Variants in COL12A1 observed in about 807,000 individuals in gnomAD.
COL12A1 encodes the protein collagen type XII alpha 1 chain, also known as collagen alpha-1(XII) chain.
In COL12A1, 114 loss-of-function variants were observed where a neutral mutation model predicts 349.7. The ratio of observed to expected loss-of-function variants is 0.33; its 90% CI spans 0.28 to 0.38. The LOEUF (loss-of-function observed/expected upper bound fraction) is 0.38, where lower values mean the gene tolerates loss of function less well. Ranked by LOEUF, COL12A1 falls within the 10% of genes least tolerant of loss-of-function variation. COL12A1 has a pLI of 1.00. For synonymous variants in COL12A1, 1,369 were observed against 1,329.0 expected (o/e 1.03, Z -0.66); for missense variants, 3,284 against 3,756.9 (o/e 0.87, Z 3.29).
rs1414978778 is a variant in COL12A1, at chr6:75,085,221, C to T, written c.*1326G>A. ...CCCGGGTCCGTGGGGCAGGGCGCGCCGCCAGCGCCGGTGGGGCTCAGGAGG... is the reference window on the plus strand; with the variant it reads ...CCCGGGTCCGTGGGGCAGGGCGCGCTGCCAGCGCCGGTGGGGCTCAGGAGG... On this transcript the variant is annotated 3_prime_UTR_variant, in exon 66 of 66. Transcript: ENST00000322507. 6.4e-6 allele frequency: 3 copies of T among 468,928 alleles called. No homozygotes were observed. Among genetic ancestry groups the T allele is most frequent in the African/African-American group, 4.0e-5 (2 of 50,054 alleles). 29.0% of individuals were successfully genotyped at this position (468,928 alleles called of 1,614,324 possible).
rs751691332 is a variant in COL12A1, at chr6:75,130,099, C to G, written c.6202G>C (p.Asp2068His). ...IYSPTVGDPI[D>H]EYTTVPGRRN... is the part of the protein sequence containing the mutation. ...ATGAGTATCAGACTTACATATTCATCAATTGGATCACCAACAGTGGGAGAA... is the reference window on the plus strand; with the variant it reads ...ATGAGTATCAGACTTACATATTCATGAATTGGATCACCAACAGTGGGAGAA... The change falls in exon 37 of 66, where the codon GAT becomes CAT. Residue 2068 changes from aspartate to histidine, a missense_variant. Around this residue, in one of 2 missense-constraint regions of COL12A1, gnomAD observed 2,601 missense variants for 2,824.8 expected, o/e 0.92. Transcript: ENST00000322507. The G allele has an allele frequency of 1.2e-6, 2 of 1,613,070 alleles. No individual in the cohort carries two copies. The highest frequency in any genetic ancestry group is 1.7e-5 in the Admixed American group (1 of 59,704).
At chr6:75,105,596 C>A (rs973090153) in intron 53 of COL12A1, among the ~76,000 whole-genome samples, 2 of 151,980 alleles carry the variant, frequency 1.3e-5, no homozygotes, top group African/African-American at 2.4e-5. Flanking sequence ...TATCAATTCC[C>A]ATCTGGAAAA....
intron 60 of COL12A1, among the ~76,000 whole-genome samples, chr6:75,093,704 A>G (rs906169910): frequency 2.6e-5 from 4 of 152,116 alleles, no homozygotes; most frequent in African/African-American, 4.8e-5. Flanking sequence ...GATTTTTTAC[A>G]TTTACTGCTA....
chr6:75,133,539 G>T, intron 33 of COL12A1, 117 bp from the exon 34 acceptor site: 8 of 1,052,938 alleles, frequency 7.6e-6, no homozygotes, highest in Non-Finnish European at 9.4e-6. Flanking sequence ...TGTAATATTA[G>T]GATGTCATAA....
intron 31 of COL12A1, among the ~76,000 whole-genome samples, chr6:75,135,209 G>A (rs1218493066): frequency 5.9e-5 from 9 of 152,170 alleles, no homozygotes; most frequent in African/African-American, 1.2e-4. Context: ...TTTAAGATAT[G>A]AAACAATTGC....
chr6:75,198,863 A>AAC (rs1770373718), intron 2 of COL12A1, among the ~76,000 whole-genome samples: 2 of 152,238 alleles, frequency 1.3e-5, no homozygotes, highest in East Asian at 3.8e-4. Context: ...TTAGTTTGAT[A>AAC]TCTGTGATAA....
chr6:75,131,288 G>A (rs962484342), intron 35 of COL12A1, among the ~76,000 whole-genome samples: 4 of 152,144 alleles, frequency 2.6e-5, no homozygotes, highest in African/African-American at 9.7e-5. Context: ...AAAACATCCT[G>A]CATGTTAAAT....
intron 59 of COL12A1, among the ~76,000 whole-genome samples, chr6:75,095,542 A>G (rs563407965): frequency 0.015 from 2,142 of 147,116 alleles, 24 homozygotes; most frequent in Non-Finnish European, 0.023. Context: ...GCGTGAACCC[A>G]GGAAGCGGAG....
chr6:75,194,541 CTATAAGATCAAAGGT>C (rs914627587), intron 3 of COL12A1, among the ~76,000 whole-genome samples: 59 of 152,196 alleles, frequency 3.9e-4, no homozygotes, highest in African/African-American at 1.3e-3. Context: ...GGATTTGATT[CTATAAGATCAAAGGT>C]TACTAACAAT....
At chr6:75,133,253 A>G in intron 34 of COL12A1, 40 bp downstream of exon 34, 1 of 1,527,964 alleles carries the variant, frequency 6.5e-7, no homozygotes, top group Non-Finnish European at 8.8e-7. Context: ...GAAAAGCAAC[A>G]CTTATGATGA....
In COL12A1 at chr6:75,109,142, C is replaced by A; in HGVS notation, c.7976G>T (p.Ser2659Ile). ...ATAGCAGTCAATGTAAATCTTAACA[C>A]TTTTTGAGGTCACTACAATATGAAC... ...HKVHIVVTSKSVKIYIDCYEI... is the reference protein window; with the variant it reads ...HKVHIVVTSKIVKIYIDCYEI... Residue 2659 changes from serine to isoleucine, a missense_variant, in exon 52 of 66, where the codon AGT becomes ATT. By Grantham distance (142) the Ser-to-Ile change is moderately radical. Transcript: ENST00000322507. 2.5e-6 allele frequency: 4 copies of A among 1,597,026 alleles called. No homozygotes were observed. Among genetic ancestry groups the A allele is most frequent in the South Asian group, 1.1e-5 (1 of 89,044 alleles).
chr6:75,190,608 C>G (rs756863109), intron 5 of COL12A1, among the ~76,000 whole-genome samples: 2 of 151,832 alleles, frequency 1.3e-5, no homozygotes, highest in Non-Finnish European at 2.9e-5. Flanking sequence ...CTTTCCTTCT[C>G]TCTATGGTGG....
intron 54 of COL12A1, 68 bp from the exon 55 acceptor site, chr6:75,103,878 C>T (rs1248861523): frequency 1.3e-5 from 17 of 1,315,690 alleles, no homozygotes; most frequent in Non-Finnish European, 1.8e-5. Flanking sequence ...TACAAAAAGT[C>T]CTTCAAGAAA....
Position 75,166,095 on chromosome 6 carries a change from G to A in COL12A1, c.2711-316C>T, listed in dbSNP as rs374143961. 3.2e-3 allele frequency among the ~76,000 whole-genome samples: 478 copies of A among 151,494 alleles called. 2 individuals are homozygous for A. Among genetic ancestry groups the A allele is most frequent in the Non-Finnish European group, 5.2e-3 (351 of 67,802 alleles). On this transcript the variant is annotated intron_variant, in intron 13 of 65. Transcript: ENST00000322507. ...TTGTCTTTAAAAAAAAATTCCAAAG[G>A]AAAAAAAATGTATCTAAGTCCCAGA...
In COL12A1 at chr6:75,109,000, T is replaced by C. The variant is rs757048732; in HGVS notation, c.8100+18A>G. The C allele has an allele frequency of 6.2e-7, 1 of 1,602,230 alleles. No individual in the cohort carries two copies. The highest frequency in any genetic ancestry group is 8.5e-7 in the Non-Finnish European group (1 of 1,176,480). ...TCTTAACACAAGGTACCAAGAGAAA[T>C]AAAAATGTGTTACTCACTGCGGCTG... On this transcript the variant is annotated intron_variant, in intron 52 of 65. Transcript: ENST00000322507.
chr6:75,155,464 T>A (rs910829344), intron 16 of COL12A1, among the ~76,000 whole-genome samples, 198 bp downstream of exon 16: 2 of 152,090 alleles, frequency 1.3e-5, no homozygotes, highest in East Asian at 3.9e-4. Flanking sequence ...AGGCCTAAAT[T>A]CTGTTGCTGA....
At chr6:75,177,525 CT>C in intron 12 of COL12A1, 137 bp downstream of exon 12, 1 of 983,442 alleles carries the variant, frequency 1.0e-6, no homozygotes, top group South Asian at 1.8e-5. Context: ...TAACTTAAAT[CT>C]AAAAGGACTA....
intron 49 of COL12A1, among the ~76,000 whole-genome samples, chr6:75,114,983 C>T (rs1196256272): frequency 2.6e-5 from 4 of 152,042 alleles, no homozygotes; most frequent in Admixed American, 6.6e-5. Flanking sequence ...CCTAGAACTC[C>T]GAGCCAACAT....
intron 49 of COL12A1, among the ~76,000 whole-genome samples, chr6:75,114,178 C>A (rs1474090256): frequency 6.6e-6 from 1 of 151,542 alleles, no homozygotes; most frequent in Non-Finnish European, 1.5e-5. Context: ...ACTTAATTTC[C>A]AATGTCAGCT....
Sources: allele counts gnomAD v4.1 joint callset (sites outside exome capture counted in the v4.1 genomes callset), GRCh38; gene constraint gnomAD v4.1.1; regional missense constraint gnomAD v4.1.1; transcripts MANE v1.5; gene names NCBI Gene and HGNC (gene_info 2026-07-23, HGNC 2026-07-21).